PDXDC1: variants seen among roughly 807,000 people sequenced by gnomAD.
The protein encoded by PDXDC1 is pyridoxal-dependent decarboxylase domain-containing protein 1.
PDXDC1 carries 42 observed loss-of-function variants against 100.1 expected under a neutral mutation model. That is an observed-to-expected ratio of 0.42 (90% CI 0.33 to 0.54). PDXDC1 has a LOEUF of 0.54. PDXDC1 is among the 20% of genes least tolerant of loss of function. The pLI, the probability that PDXDC1 is intolerant of heterozygous loss-of-function variation, is 0.10. For synonymous variants in PDXDC1, 260 were observed against 371.7 expected (o/e 0.70, Z 3.46); for missense variants, 636 against 979.2 (o/e 0.65, Z 4.68).
intron 1 of PDXDC1, among the ~76,000 whole-genome samples, chr16:14,982,425 C>T (rs1968199686): frequency 6.6e-6 from 1 of 152,262 alleles, no homozygotes; most frequent in Non-Finnish European, 1.5e-5. Flanking sequence ...GAGTTCGAGA[C>T]CAGCCTGGCC....
chr16:15,020,929 A>T (rs184009940), intron 12 of PDXDC1, among the ~76,000 whole-genome samples: 405 of 152,120 alleles, frequency 2.7e-3, no homozygotes, highest in Non-Finnish European at 4.4e-3. Context: ...AGGTTGCAGT[A>T]AGCCAAGATC....
chr16:15,130,032 C>T, intron 16 of PDXDC1: 1 of 1,153,620 alleles, frequency 8.7e-7, no homozygotes, highest in Non-Finnish European at 1.3e-6. Context: ...ACCAGGCACA[C>T]AGCACATGTC....
rs1161380295 is a variant in PDXDC1 at position 15,031,744 on chromosome 16, C to G, written c.1409C>G (p.Thr470Ser). Residue 470 changes from threonine (T) to serine (S), a missense_variant, in exon 17 of 23, where the codon ACT (threonine) becomes AGT (serine). By Grantham distance (58) the Thr-to-Ser change is moderately conservative. Around this residue, in one of 4 missense-constraint regions of PDXDC1, gnomAD observed 452 missense variants for 402.9 expected, o/e 1.12. Transcript: ENST00000396410. Reference protein sequence around the residue: ...SPLMTAAVLGTRGEDVDQLVA... With the variant: ...SPLMTAAVLGSRGEDVDQLVA... ...TTGTGAACATCTTCAGTTTTAGGAA[C>G]TCGGGGAGAGGATGTGGATCAGCTC... is the stretch of plus-strand genomic sequence containing the variant. 2 of 1,610,420 alleles carry G rather than the reference C, an allele frequency of 1.2e-6. No individual in the cohort carries two copies. Among genetic ancestry groups the G allele is most frequent in the South Asian group, 2.2e-5 (2 of 91,006 alleles).
At chr16:15,094,061 T>G in intron 16 of PDXDC1, 1 of 1,244,568 alleles carries the variant, frequency 8.0e-7, no homozygotes, top group Non-Finnish European at 1.2e-6. Flanking sequence ...ATGAGCTTTG[T>G]CCCACATCCT....
intron 1 of PDXDC1, among the ~76,000 whole-genome samples, chr16:14,978,484 G>A (rs1483789867): frequency 1.3e-5 from 2 of 152,298 alleles, no homozygotes. Context: ...CCGTCTCCAG[G>A]GCTCAAGTGA....
downstream of PDXDC1, among the ~76,000 whole-genome samples, chr16:15,144,084 C>T (rs574514763): frequency 7.2e-5 from 11 of 152,268 alleles, no homozygotes; most frequent in East Asian, 2.1e-3. Flanking sequence ...CCCTGCCAGG[C>T]CCCGTCCTCT....
chr16:15,008,421 A>G (rs1297339206), intron 6 of PDXDC1, among the ~76,000 whole-genome samples: 1 of 152,294 alleles, frequency 6.6e-6, no homozygotes, highest in Non-Finnish European at 1.5e-5. Flanking sequence ...GTTATTTACC[A>G]GTAATGCTTG....
chr16:15,024,762 T>C (rs1567697688), intron 13 of PDXDC1, among the ~76,000 whole-genome samples: 1 of 152,300 alleles, frequency 6.6e-6, no homozygotes, highest in Non-Finnish European at 1.5e-5. Flanking sequence ...CAGATCTTAA[T>C]TCAAATCTCA....
At chr16:15,082,480 C>G (rs1287711754) in intron 16 of PDXDC1, among the ~76,000 whole-genome samples, 1 of 152,036 alleles carries the variant, frequency 6.6e-6, no homozygotes, top group Non-Finnish European at 1.5e-5. Flanking sequence ...CAAGACCAGT[C>G]TGGCCAACGC....
At chr16:15,082,550 A>G (rs774458917) in intron 16 of PDXDC1, among the ~76,000 whole-genome samples, 7 of 151,898 alleles carry the variant, frequency 4.6e-5, no homozygotes, top group African/African-American at 9.7e-5. Context: ...CCCCATGTCT[A>G]TAGTCCCACC....
At chr16:15,126,997 C>T in intron 16 of PDXDC1, 1 of 339,062 alleles carries the variant, frequency 2.9e-6, no homozygotes, top group South Asian at 2.3e-5. Flanking sequence ...TGCTATGTTG[C>T]CCAGGCTGGT....
At position 15,136,631 on chromosome 16, in the gene PDXDC1, CGGCCCA is replaced by C. The variant is rs1171363228; in HGVS notation, c.1400-2242_1400-2237del. On this transcript the variant is annotated intron_variant, in intron 16 of 16. Transcript: ENST00000535621. ...CTGTCCACCATTGCCAGGGCGGCCCCGGCCCAGGCCCGACACTGCTCCTGCGCCTGC... is the reference window on the plus strand; with the variant it reads ...CTGTCCACCATTGCCAGGGCGGCCCCGGCCCGACACTGCTCCTGCGCCTGC... The C allele has an allele frequency of 1.3e-5, 15 of 1,152,202 alleles. No individual in the cohort carries two copies. In the African/African-American group the frequency reaches 2.1e-4, roughly 16 times the overall value. 71.4% of individuals were successfully genotyped at this position (1,152,202 alleles called of 1,614,324 possible).
At chr16:15,099,297 G>C (rs2046461283) in intron 16 of PDXDC1, among the ~76,000 whole-genome samples, 1 of 151,592 alleles carries the variant, frequency 6.6e-6, no homozygotes, top group African/African-American at 2.4e-5. Context: ...GCAGGTGCCT[G>C]TAATCCCAGC....
chr16:15,149,162 G>GC, the PDXDC1 span, among the ~76,000 whole-genome samples: 1 of 152,122 alleles, frequency 6.6e-6, no homozygotes, highest in Non-Finnish European at 1.5e-5. Context: ...CCCTACCCCT[G>GC]CCCCCGAGTC....
At chr16:14,984,735 G>A (rs111601435) in intron 1 of PDXDC1, among the ~76,000 whole-genome samples, 10 of 152,030 alleles carry the variant, frequency 6.6e-5, no homozygotes, top group African/African-American at 1.4e-4. Flanking sequence ...ATCGTGATCC[G>A]CCCGCCTCTG....
At chr16:15,027,926 CAGGGA>C (rs2042743885) in intron 14 of PDXDC1, among the ~76,000 whole-genome samples, 1 of 152,270 alleles carries the variant, frequency 6.6e-6, no homozygotes, top group Non-Finnish European at 1.5e-5. Flanking sequence ...GAGTCCTAGC[CAGGGA>C]CCCGCCTTTC....
At chr16:15,055,842 C>G (rs972734238) in intron 16 of PDXDC1, 13 of 1,029,490 alleles carry the variant, frequency 1.3e-5, no homozygotes, top group Admixed American at 4.3e-5. Flanking sequence ...GCCCGCCCTG[C>G]AGCTTCCCCT....
chr16:15,090,861 A>T (rs1368196438), intron 16 of PDXDC1, among the ~76,000 whole-genome samples: 2 of 149,324 alleles, frequency 1.3e-5, no homozygotes, highest in African/African-American at 2.4e-5. Flanking sequence ...GGAAATGCTG[A>T]ATCAGTGGTT....
downstream of PDXDC1, among the ~76,000 whole-genome samples, chr16:15,043,320 G>A (rs1339696655): frequency 2.0e-5 from 3 of 152,348 alleles, no homozygotes; most frequent in South Asian, 2.1e-4. Flanking sequence ...ACAGGCATGA[G>A]CCACCGTGCC....
Sources: gnomAD v4.1 joint callset for allele counts (sites outside exome capture counted in the v4.1 genomes callset) on GRCh38, gnomAD v4.1.1 for gene constraint, gnomAD v4.1.1 regional missense constraint, MANE v1.5 for transcripts, NCBI Gene and HGNC (gene_info 2026-07-23, HGNC 2026-07-21) for gene names.